CNTN5: variants seen among roughly 807,000 people sequenced by gnomAD.
The protein encoded by CNTN5 is contactin 5.
In CNTN5, 77 loss-of-function variants were observed where a neutral mutation model predicts 129.1. The ratio of observed to expected loss-of-function variants is 0.60; its 90% CI spans 0.50 to 0.72. The LOEUF (loss-of-function observed/expected upper bound fraction) is 0.72. Among genes scored for constraint, CNTN5 ranks in the 30% least tolerant of loss-of-function variants. The pLI is 0.00. For missense variants in CNTN5, 1,478 were observed against 1,328.8 expected (o/e 1.11, Z -1.75); for synonymous variants, 509 against 465.6 (o/e 1.09, Z -1.20).
chr11:99,621,552 TTTGC>T lies in CNTN5; in HGVS notation c.55+65288_55+65291del, dbSNP rs377248761. On this transcript the variant is annotated intron_variant, in intron 3 of 24. Transcript: ENST00000524871. The stretch of plus-strand genomic sequence containing the variant: ...TACAAAAATAGTAAATATTAAAATA[TTTGC>T]TTGCGATATTTGGGATAATTTTTGT... Among the ~76,000 whole-genome samples the T allele has an allele frequency of 2.2e-3, 335 of 152,272 alleles. 1 individual carries two copies. The highest frequency in any genetic ancestry group is 7.4e-3 in the African/African-American group (307 of 41,566).
chr11:100,159,250 C>A (rs1337159230), intron 13 of CNTN5, among the ~76,000 whole-genome samples: 1 of 151,678 alleles, frequency 6.6e-6, no homozygotes, highest in Admixed American at 6.6e-5. Flanking sequence ...CATGGTGGGC[C>A]ATAAAAAAAG....
At chr11:100,257,051 G>A (rs116731232) in intron 17 of CNTN5, among the ~76,000 whole-genome samples, 4,105 of 152,116 alleles carry the variant, frequency 0.027, 198 homozygotes, top group African/African-American at 0.094. Context: ...TAAGATTCAC[G>A]AAATTCTCAA....
At chr11:99,580,572 C>T (rs1454612648) in intron 3 of CNTN5, among the ~76,000 whole-genome samples, 9 of 151,938 alleles carry the variant, frequency 5.9e-5, no homozygotes, top group African/African-American at 1.9e-4. Context: ...GGTGTATGTG[C>T]CGAGGAATTT....
At chr11:100,309,759 T>G in intron 21 of CNTN5, 3 of 958,742 alleles carry the variant, frequency 3.1e-6, no homozygotes, top group Non-Finnish European at 3.7e-6. Flanking sequence ...ACTGTGGTGG[T>G]TTGTCCAGTT....
intron 3 of CNTN5, among the ~76,000 whole-genome samples, chr11:99,602,281 G>GAAT (rs749193039): frequency 1.3e-5 from 2 of 151,726 alleles, no homozygotes; most frequent in Non-Finnish European, 2.9e-5. Context: ...TTACTTTATT[G>GAAT]AATAATAATA....
At chr11:99,856,956 G>A (rs868263563) in intron 6 of CNTN5, among the ~76,000 whole-genome samples, 43 of 151,680 alleles carry the variant, frequency 2.8e-4, no homozygotes, top group African/African-American at 9.7e-4. Context: ...AATAACCCAC[G>A]TCTCTCTGAC....
At position 99,723,792 on chromosome 11, in the gene CNTN5, G is replaced by T. The variant is rs192539122; in HGVS notation, c.56-95752G>T. Among the ~76,000 whole-genome samples the T allele has an allele frequency of 4.2e-5, 6 of 143,610 alleles. No individual in the cohort carries two copies. In the East Asian group the frequency reaches 1.2e-3, roughly 28 times the overall value. 94.2% of individuals were successfully genotyped at this position (143,610 alleles called of 152,430 possible). On this transcript the variant is annotated intron_variant, in intron 3 of 24. Coordinates refer to ENST00000524871, the MANE Select transcript of CNTN5 (RefSeq NM_014361.4). ...TGTGTGCATGCGTGTGCATGCGCAC[G>T]CGTGTGTGTTTTGTTTAAATAATGT...
At chr11:100,285,066 A>G (rs1227970289) in intron 18 of CNTN5, among the ~76,000 whole-genome samples, 1 of 152,192 alleles carries the variant, frequency 6.6e-6, no homozygotes, top group African/African-American at 2.4e-5. Flanking sequence ...TTTTAAATGC[A>G]TGTAAAGAGC....
intron 1 of CNTN5, among the ~76,000 whole-genome samples, chr11:99,149,469 G>C (rs1396254648): frequency 6.6e-6 from 1 of 151,826 alleles, no homozygotes; most frequent in African/African-American, 2.4e-5. Flanking sequence ...AAGAATAGAG[G>C]CTTATTATTT....
At chr11:99,803,326 A>G (rs1406078266) in intron 3 of CNTN5, among the ~76,000 whole-genome samples, 7 of 152,172 alleles carry the variant, frequency 4.6e-5, no homozygotes, top group Non-Finnish European at 1.0e-4. Context: ...GAGAAACCAC[A>G]GCTGTAGTAG....
chr11:100,063,315 T>C (rs2137819174), intron 10 of CNTN5, among the ~76,000 whole-genome samples: 1 of 152,112 alleles, frequency 6.6e-6, no homozygotes, highest in South Asian at 2.1e-4. Flanking sequence ...TGGGGTGTCG[T>C]TGTCATGCAC....
chr11:99,820,466 GTTAAA>G (rs1174960421), intron 4 of CNTN5, among the ~76,000 whole-genome samples: 3 of 152,306 alleles, frequency 2.0e-5, no homozygotes, highest in Admixed American at 6.5e-5. Context: ...TAAGATATCA[GTTAAA>G]TTAAAGACTG....
intron 6 of CNTN5, among the ~76,000 whole-genome samples, chr11:99,855,873 G>A (rs1220556534): frequency 2.0e-5 from 3 of 151,924 alleles, no homozygotes; most frequent in Non-Finnish European, 4.4e-5. Flanking sequence ...TCATTCTTTA[G>A]AACTAATTTT....
At chr11:99,135,865 A>C (rs956653803) in intron 1 of CNTN5, among the ~76,000 whole-genome samples, 1 of 152,150 alleles carries the variant, frequency 6.6e-6, no homozygotes, top group Non-Finnish European at 1.5e-5. Context: ...TCTCCTTTCT[A>C]AAACATTAGT....
At chr11:99,740,749 ACT>A (rs999130308) in intron 3 of CNTN5, among the ~76,000 whole-genome samples, 1 of 152,112 alleles carries the variant, frequency 6.6e-6, no homozygotes, top group Non-Finnish European at 1.5e-5. Context: ...TGCATGAAAC[ACT>A]CTAGTGAATT....
At chr11:100,032,230 C>A (rs1434175536) in intron 9 of CNTN5, among the ~76,000 whole-genome samples, 2 of 152,102 alleles carry the variant, frequency 1.3e-5, no homozygotes, top group Non-Finnish European at 2.9e-5. Flanking sequence ...TCATTAGATG[C>A]AGCAAATTAG....
intron 3 of CNTN5, among the ~76,000 whole-genome samples, chr11:99,793,395 G>T (rs1945823894): frequency 2.1e-5 from 2 of 97,520 alleles, no homozygotes; most frequent in African/African-American, 6.1e-5. Context: ...CAGCTTCTGG[G>T]TTTATTAATC....
chr11:100,096,036 C>T (rs571746691), intron 13 of CNTN5, among the ~76,000 whole-genome samples: 5 of 152,088 alleles, frequency 3.3e-5, no homozygotes, highest in South Asian at 4.2e-4. Context: ...TAGACAGGGC[C>T]GATATCATGG....
At chr11:99,845,677 T>G (rs985002578) in intron 6 of CNTN5, among the ~76,000 whole-genome samples, 7 of 152,104 alleles carry the variant, frequency 4.6e-5, no homozygotes, top group Admixed American at 4.6e-4. Flanking sequence ...CGGCCCTTCT[T>G]GGGATATTTT....
Sources: gnomAD v4.1 joint callset for allele counts (sites outside exome capture counted in the v4.1 genomes callset) on GRCh38, gnomAD v4.1.1 for gene constraint, MANE v1.5 for transcripts, NCBI Gene and HGNC (gene_info 2026-07-23, HGNC 2026-07-21) for gene names.